The following ATXN2 variants were observed in gnomAD, a reference collection of about 807,000 sequenced individuals.
ATXN2 encodes the protein ataxin-2.
A neutral mutation model predicts 138.6 loss-of-function variants in ATXN2; 37 were observed. The ratio of observed to expected loss-of-function variants is 0.27; its 90% CI spans 0.21 to 0.35. The LOEUF (loss-of-function observed/expected upper bound fraction) is 0.35. Among genes scored for constraint, ATXN2 ranks in the 10% least tolerant of loss-of-function variants. The pLI is 1.00. For missense variants in ATXN2, 1,216 were observed against 1,480.3 expected (o/e 0.82, Z 2.93); for synonymous variants, 549 against 543.7 (o/e 1.01, Z -0.13).
At chr12:111,513,053 A>G (rs1349461774) in intron 11 of ATXN2, 1 of 298,334 alleles carries the variant, frequency 3.4e-6, no homozygotes, top group Non-Finnish European at 6.1e-6. Context: ...GTTTTACAAT[A>G]TATCTGTATT....
chr12:111,482,190 A>ATTTTTT (rs1164424839), intron 18 of ATXN2, among the ~76,000 whole-genome samples: 1 of 101,356 alleles, frequency 9.9e-6, no homozygotes. Flanking sequence ...TTTCTCTACT[A>ATTTTTT]TTTTTTTTTT....
At position 111,599,252 on chromosome 12, in the gene ATXN2, C is replaced by G; in HGVS notation, c.-218G>C. 8.4e-7 allele frequency: 1 copy of G among 1,196,224 alleles called. No individual in the cohort carries two copies. Among genetic ancestry groups the G allele is most frequent in the Non-Finnish European group, 1.0e-6 (1 of 969,070 alleles). The allele number at this position is 1,196,224 out of a possible 1,614,324, so 74.1% of individuals were successfully genotyped here. A position where few individuals can be genotyped will look rare whatever the true frequency, so the allele number is the denominator to read the frequency against. On this transcript the variant is annotated 5_prime_UTR_variant, in exon 1 of 25. Transcript: ENST00000673436. Reference sequence around the variant, plus strand: ...ACCAAGGAGCCGCCGGGAGCCGGGCCGAAACGCGCCGCCGCCGTTGCCGTT... The same window carrying G: ...ACCAAGGAGCCGCCGGGAGCCGGGCGGAAACGCGCCGCCGCCGTTGCCGTT...
At chr12:111,477,834 T>C (rs1876928935) in intron 18 of ATXN2, among the ~76,000 whole-genome samples, 1 of 152,156 alleles carries the variant, frequency 6.6e-6, no homozygotes, top group Non-Finnish European at 1.5e-5. Flanking sequence ...CTCAGCTCAC[T>C]GCAACCTCGA....
intron 24 of ATXN2, 73 bp from the exon 25 acceptor site, chr12:111,452,913 CAT>C (rs1419852421): frequency 2.1e-5 from 28 of 1,343,320 alleles, no homozygotes; most frequent in Non-Finnish European, 2.7e-5. Flanking sequence ...CTCTGCAGCA[CAT>C]GATTGTAAAC....
intron 1 of ATXN2, among the ~76,000 whole-genome samples, chr12:111,576,895 T>C (rs1441575409): frequency 1.3e-5 from 2 of 151,368 alleles, no homozygotes; most frequent in African/African-American, 4.9e-5. Context: ...GAGTCGGAGG[T>C]TGCAGTGAGC....
intron 18 of ATXN2, among the ~76,000 whole-genome samples, chr12:111,473,624 C>T (rs1424210769): frequency 6.6e-6 from 1 of 151,804 alleles, no homozygotes. Flanking sequence ...AAAAAACACA[C>T]CAAAAAAATT....
chr12:111,572,285 C>T (rs1883367513), intron 1 of ATXN2, among the ~76,000 whole-genome samples: 1 of 151,682 alleles, frequency 6.6e-6, no homozygotes, highest in Admixed American at 6.6e-5. Flanking sequence ...CCTATAACCC[C>T]AGCTACTTGA....
At chr12:111,525,515 A>G (rs181220650) in intron 5 of ATXN2, among the ~76,000 whole-genome samples, 199 bp from the exon 6 acceptor site, 300 of 152,336 alleles carry the variant, frequency 2.0e-3, no homozygotes, top group African/African-American at 7.0e-3. Context: ...ATGCACTATA[A>G]TAAAGGTAAA....
chr12:111,510,865 T>G (rs1879464456), intron 11 of ATXN2: 3 of 212,144 alleles, frequency 1.4e-5, no homozygotes, highest in Non-Finnish European at 2.8e-5. Flanking sequence ...TAGCTGGGAT[T>G]AAAGGCACTC....
chr12:111,547,836 A>ATTTTTTTTT (rs34988312), intron 5 of ATXN2, among the ~76,000 whole-genome samples: 3 of 100,222 alleles, frequency 3.0e-5, no homozygotes, highest in African/African-American at 9.8e-5. Context: ...TTGCTTGAGA[A>ATTTTTTTTT]TTTTTTTTTT....
intron 14 of ATXN2, among the ~76,000 whole-genome samples, chr12:111,494,425 CTTT>C (rs757341708): frequency 2.2e-5 from 3 of 133,732 alleles, no homozygotes; most frequent in Non-Finnish European, 3.3e-5. Context: ...TATGTGATCT[CTTT>C]TTTTTTTTTT....
rs1422390964 is a variant in ATXN2 at position 111,452,675 on chromosome 12, C to G, written c.*137G>C. 4 of 1,016,602 alleles carry G rather than the reference C, an allele frequency of 3.9e-6. No individual in the cohort carries two copies. The highest frequency in any genetic ancestry group is 6.1e-6 in the Non-Finnish European group (4 of 658,948). The allele number at this position is 1,016,602 out of a possible 1,614,324, so 63.0% of individuals were successfully genotyped here. A position where few individuals can be genotyped will look rare whatever the true frequency, so the allele number is the denominator to read the frequency against. ...CCACTGCAAGTGAACTGTTAGCATT[C>G]CTATTGGATGTTACAAGAAATCAAC... On this transcript the variant is annotated 3_prime_UTR_variant, in exon 25 of 25. Coordinates refer to ENST00000673436, the MANE Select transcript of ATXN2 (RefSeq NM_001372574.1).
intron 5 of ATXN2, among the ~76,000 whole-genome samples, chr12:111,536,787 T>G (rs955004856): frequency 1.5e-4 from 22 of 146,568 alleles, no homozygotes; most frequent in African/African-American, 4.6e-4. Flanking sequence ...GTTTTTTTTT[T>G]TTTTTTTTTT....
Position 111,453,564 on chromosome 12 carries a change from G to A in ATXN2, c.3439+113C>T, listed in dbSNP as rs1874835360. 1 of 1,447,624 alleles carries A rather than the reference G, an allele frequency of 6.9e-7. No homozygotes were observed. The highest frequency in any genetic ancestry group is 9.1e-7 in the Non-Finnish European group (1 of 1,099,852). 89.7% of individuals were successfully genotyped at this position (1,447,624 alleles called of 1,614,324 possible). Reference sequence around the variant, plus strand: ...CCCTCCTGTGCACACTCCTGGACGGGTCTTGCTAGTTCTCAAATGCGGGGC... The same window carrying A: ...CCCTCCTGTGCACACTCCTGGACGGATCTTGCTAGTTCTCAAATGCGGGGC... On this transcript the variant is annotated intron_variant, in intron 24 of 24. Transcript: ENST00000673436. This position sits in a 1 kb window ranked among gnomAD's most constrained non-coding sequence, Gnocchi z 5.4.
chr12:111,503,389 T>C (rs1191225916), intron 14 of ATXN2, among the ~76,000 whole-genome samples: 1 of 152,162 alleles, frequency 6.6e-6, no homozygotes, highest in Non-Finnish European at 1.5e-5. Flanking sequence ...CTGCCTAATA[T>C]ACACAGTGCA....
chr12:111,565,714 G>A (rs1882965914), intron 1 of ATXN2, among the ~76,000 whole-genome samples: 1 of 152,092 alleles, frequency 6.6e-6, no homozygotes, highest in Non-Finnish European at 1.5e-5. Flanking sequence ...AGGCCAATTA[G>A]GCCAGGCATA....
intron 15 of ATXN2, 95 bp downstream of exon 15, chr12:111,488,381 C>T: frequency 7.6e-7 from 1 of 1,313,332 alleles, no homozygotes; most frequent in Non-Finnish European, 1.0e-6. Context: ...TCTAAAAGTC[C>T]AGATGGATTC....
chr12:111,504,891 G>A (rs1050664310), intron 14 of ATXN2, among the ~76,000 whole-genome samples: 3 of 152,006 alleles, frequency 2.0e-5, no homozygotes, highest in African/African-American at 7.2e-5. Context: ...AAGGGGTCCC[G>A]ATCCAGACCC....
At chr12:111,464,444 A>G (rs1875851591) in intron 21 of ATXN2, among the ~76,000 whole-genome samples, 1 of 145,602 alleles carries the variant, frequency 6.9e-6, no homozygotes, top group Non-Finnish European at 1.5e-5. Flanking sequence ...TTGGTATGCA[A>G]AAATTGATTT....
Sources: gnomAD v4.1 joint callset for allele counts (sites outside exome capture counted in the v4.1 genomes callset) on GRCh38, gnomAD v4.1.1 for gene constraint, Gnocchi (gnomAD v3.1) non-coding constraint, MANE v1.5 for transcripts, NCBI Gene and HGNC (gene_info 2026-07-23, HGNC 2026-07-21) for gene names.